The following DCTD variants were observed in gnomAD, a reference collection of about 807,000 sequenced individuals.
DCTD encodes the protein dCMP deaminase.
In DCTD, 23 loss-of-function variants were observed where a neutral mutation model predicts 21.0. The observed-to-expected ratio is 1.09, with a 90% CI of 0.79 to 1.55. The LOEUF (loss-of-function observed/expected upper bound fraction) is 1.55. DCTD is among the 40% of genes most tolerant of loss of function. The pLI, the probability that DCTD is intolerant of heterozygous loss-of-function variation, is 0.00. For synonymous variants in DCTD, 71 were observed against 81.1 expected (o/e 0.88, Z 0.67); for missense variants, 224 against 230.0 (o/e 0.97, Z 0.17).
intron 3 of DCTD, among the ~76,000 whole-genome samples, chr4:182,912,334 G>A (rs1374376996): frequency 6.6e-6 from 1 of 152,012 alleles, no homozygotes; most frequent in East Asian, 1.9e-4. Context: ...TATGGCGGCA[G>A]TAATACTAAA....
At position 182,891,443 on chromosome 4, in the gene DCTD, C is replaced by T. The variant is rs1042355240; in HGVS notation, c.493G>A (p.Asp165Asn). ...GGTCTGCTGTTAATTGAATCAAAGT[C>T]AATGACAATCTTGCTGCACTTCGGT... ...FIPKCSKIVI[D>N]FDSINSRPSQ... The change falls in exon 6 of 6, where the codon GAC (aspartate) becomes AAC (asparagine). Residue 165 changes from aspartate to asparagine, a missense_variant. Coordinates refer to ENST00000438320, the MANE Select transcript of DCTD (RefSeq NM_001921.3). The T allele has an allele frequency of 6.2e-7, 1 of 1,612,482 alleles. No individual in the cohort carries two copies.
rs1163958607 is a variant in DCTD, at chr4:182,917,321, C to T, written c.-18G>A. ...CTGGCCCCCGCCCACCATCCGGTGC[C>T]GGCTCCGCGCGCAGGCCGGTGCTCG... On this transcript the variant is annotated 5_prime_UTR_variant, in exon 1 of 6. Transcript: ENST00000438320. The surrounding 1 kb of genome is among the most constrained non-coding windows in gnomAD (Gnocchi z 4.9). The T allele has an allele frequency of 1.8e-6, 2 of 1,093,434 alleles. No individual in the cohort carries two copies. The highest frequency in any genetic ancestry group is 1.7e-5 in the African/African-American group (1 of 59,672). 67.7% of individuals were successfully genotyped at this position (1,093,434 alleles called of 1,614,324 possible). A position where few individuals can be genotyped will look rare whatever the true frequency, so the allele number is the denominator to read the frequency against.
chr4:182,892,837 T>C (rs975275113), intron 5 of DCTD, among the ~76,000 whole-genome samples, 194 bp downstream of exon 5: 4 of 152,200 alleles, frequency 2.6e-5, no homozygotes, highest in African/African-American at 9.6e-5. Flanking sequence ...ATTAAACAAA[T>C]GGTCTTCAGA....
chr4:182,910,278 A>G (rs1189980886), intron 3 of DCTD, among the ~76,000 whole-genome samples: 1 of 152,218 alleles, frequency 6.6e-6, no homozygotes, highest in East Asian at 1.9e-4. Flanking sequence ...ACATGTGGCA[A>G]GCATTACTAA....
chr4:182,913,082 C>A (rs73869890), intron 3 of DCTD, among the ~76,000 whole-genome samples: 5 of 152,118 alleles, frequency 3.3e-5, no homozygotes, highest in African/African-American at 1.2e-4. Context: ...GACTTTGAAC[C>A]GCACTGTGAA....
chr4:182,897,030 ACTATGATAGCGTCCT>A (rs1319190332), intron 3 of DCTD, among the ~76,000 whole-genome samples: 1 of 152,206 alleles, frequency 6.6e-6, no homozygotes, highest in Non-Finnish European at 1.5e-5. Context: ...GTTATGAAAC[ACTATGATAGCGTCCT>A]CTAAGAACTG....
In DCTD at chr4:182,908,811, G is replaced by A. The variant is rs77249346; in HGVS notation, c.244+6112C>T. ...CTGTTTTCTAAATTAGTTTGCATGT[G>A]CCCCTGACATTTTATCAAGGCTACT... On this transcript the variant is annotated intron_variant, in intron 3 of 5. Coordinates refer to ENST00000438320, the MANE Select transcript of DCTD (RefSeq NM_001921.3). 1.6e-3 allele frequency among the ~76,000 whole-genome samples: 245 copies of A among 151,864 alleles called. 5 individuals are homozygous for A. In the East Asian group the frequency reaches 0.018, roughly 11 times the overall value.
intron 3 of DCTD, among the ~76,000 whole-genome samples, chr4:182,913,134 C>G (rs1023081968): frequency 2.6e-5 from 4 of 152,324 alleles, no homozygotes; most frequent in East Asian, 1.9e-4. Flanking sequence ...AATCACTTCC[C>G]TTCTTTCTTA....
intron 3 of DCTD, among the ~76,000 whole-genome samples, chr4:182,908,628 A>C (rs1347741953): frequency 7.0e-6 from 1 of 143,146 alleles, no homozygotes; most frequent in East Asian, 2.2e-4. Context: ...GGCTGCAGTG[A>C]GCCAAGATTG....
intron 3 of DCTD, among the ~76,000 whole-genome samples, chr4:182,897,368 C>T (rs1448766882): frequency 6.7e-6 from 1 of 149,856 alleles, no homozygotes; most frequent in Admixed American, 6.7e-5. Flanking sequence ...AATACCAGCA[C>T]CATCAAAAAG....
rs1733512427 is a variant in DCTD, at chr4:182,890,241, G to T, written c.*1158C>A. The T allele has an allele frequency of 6.6e-6, 1 of 152,120 alleles. No homozygotes were observed. Among genetic ancestry groups the T allele is most frequent in the African/African-American group, 2.4e-5 (1 of 41,412 alleles). 9.4% of individuals were successfully genotyped at this position (152,120 alleles called of 1,614,324 possible). ...CACTTTAAAAAGGTAATAATCTTTA[G>T]GATAAAGAAAGCCTTTTCTCAACAC... On this transcript the variant is annotated 3_prime_UTR_variant, in exon 6 of 6. Transcript: ENST00000438320.
At position 182,917,162 on chromosome 4, in the gene DCTD, G is replaced by T; in HGVS notation, c.-8+149C>A. The T allele has an allele frequency of 1.0e-6, 1 of 988,426 alleles. No homozygotes were observed. The highest frequency in any genetic ancestry group is 6.1e-5 in the Admixed American group (1 of 16,358). The allele number at this position is 988,426 out of a possible 1,614,324, so 61.2% of individuals were successfully genotyped here. A position where few individuals can be genotyped will look rare whatever the true frequency, so the allele number is the denominator to read the frequency against. ...CCCCGCCCGCATTCTCCGATCTAAA[G>T]GCTGAGCGCGGCCGAGGCGCCCCCA... On this transcript the variant is annotated intron_variant, in intron 1 of 5. Transcript: ENST00000438320. The surrounding 1 kb of genome is among the most constrained non-coding windows in gnomAD (Gnocchi z 4.9).
intron 3 of DCTD, among the ~76,000 whole-genome samples, chr4:182,901,644 G>A (rs1735764243): frequency 1.3e-5 from 2 of 152,184 alleles, no homozygotes; most frequent in Non-Finnish European, 2.9e-5. Context: ...CTCGAGCTAA[G>A]AAGCGTCTGC....
At chr4:182,895,598 T>C (rs1281615905) in intron 3 of DCTD, among the ~76,000 whole-genome samples, 1 of 152,158 alleles carries the variant, frequency 6.6e-6, no homozygotes, top group African/African-American at 2.4e-5. Flanking sequence ...ACAGGCGACA[T>C]CCTCCTTGAG....
intron 5 of DCTD, 149 bp downstream of exon 5, chr4:182,892,882 T>C (rs968542616): frequency 3.2e-6 from 2 of 630,080 alleles, no homozygotes; most frequent in Admixed American, 2.9e-5. Flanking sequence ...TCTACCCCTA[T>C]AATAGTCTTT....
chr4:182,897,655 C>T (rs529774463), intron 3 of DCTD, among the ~76,000 whole-genome samples: 14 of 152,254 alleles, frequency 9.2e-5, no homozygotes, highest in African/African-American at 3.4e-4. Flanking sequence ...CTCAAGTGTT[C>T]GGTGGAGGGT....
chr4:182,892,998 C>T (rs1734064701), intron 5 of DCTD, 33 bp downstream of exon 5: 2 of 1,337,080 alleles, frequency 1.5e-6, no homozygotes, highest in Non-Finnish European at 1.1e-6. Context: ...CTTCACCCTA[C>T]CCCGTCCCCC....
intron 3 of DCTD, among the ~76,000 whole-genome samples, chr4:182,911,829 G>T (rs183049331): frequency 3.5e-4 from 53 of 152,298 alleles, no homozygotes; most frequent in South Asian, 8.3e-4. Flanking sequence ...AACAAAAAAT[G>T]TTACTGATAC....
At chr4:182,913,372 C>G (rs555426652) in intron 3 of DCTD, among the ~76,000 whole-genome samples, 1 of 152,328 alleles carries the variant, frequency 6.6e-6, no homozygotes, top group Admixed American at 6.5e-5. Flanking sequence ...TCCTGGAAAC[C>G]CAGACTGCTT....
Sources: allele counts gnomAD v4.1 joint callset (sites outside exome capture counted in the v4.1 genomes callset), GRCh38; gene constraint gnomAD v4.1.1; non-coding constraint Gnocchi (gnomAD v3.1); transcripts MANE v1.5; gene names NCBI Gene and HGNC (gene_info 2026-07-23, HGNC 2026-07-21).